Variants in NTN1 observed in about 807,000 individuals in gnomAD.
NTN1 encodes the protein netrin-1.
In NTN1, 11 loss-of-function variants were observed where a neutral mutation model predicts 54.2. That is an observed-to-expected ratio of 0.20 (90% CI 0.13 to 0.34). The LOEUF is 0.34. Among genes scored for constraint, NTN1 ranks in the 10% least tolerant of loss-of-function variants. The pLI, the probability that NTN1 is intolerant of heterozygous loss-of-function variation, is 1.00. For synonymous variants in NTN1, 371 were observed against 382.0 expected (o/e 0.97, Z 0.33); for missense variants, 740 against 893.1 (o/e 0.83, Z 2.18).
intron 2 of NTN1, among the ~76,000 whole-genome samples, chr17:9,080,092 G>A (rs1409251272): frequency 2.6e-5 from 4 of 152,200 alleles, no homozygotes; most frequent in African/African-American, 9.6e-5. Context: ...CCTGTTTCCT[G>A]GCTCCCTGAG....
intron 2 of NTN1, among the ~76,000 whole-genome samples, chr17:9,107,116 T>C (rs2092170104): frequency 6.6e-6 from 1 of 152,194 alleles, no homozygotes; most frequent in African/African-American, 2.4e-5. Flanking sequence ...TAGGTAAAAC[T>C]GTAGTACATC....
At chr17:9,112,823 CAAAAA>C (rs386385610) in intron 2 of NTN1, among the ~76,000 whole-genome samples, 1 of 96,026 alleles carries the variant, frequency 1.0e-5, no homozygotes, top group Non-Finnish European at 2.1e-5. Flanking sequence ...GACTCCGTCT[CAAAAA>C]AAAAAAAAAA....
At chr17:9,032,730 C>T (rs557599946) in intron 2 of NTN1, among the ~76,000 whole-genome samples, 1 of 152,152 alleles carries the variant, frequency 6.6e-6, no homozygotes, top group Non-Finnish European at 1.5e-5. Flanking sequence ...TGGACACGGC[C>T]CCCCCAGCCC....
intron 2 of NTN1, among the ~76,000 whole-genome samples, chr17:9,126,403 G>A (rs776182835): frequency 5.9e-5 from 9 of 152,182 alleles, no homozygotes; most frequent in Non-Finnish European, 1.3e-4. Context: ...CCAGCTACTC[G>A]GGAGGCTGAG....
intron 2 of NTN1, among the ~76,000 whole-genome samples, chr17:9,156,879 C>T (rs1430091510): frequency 6.6e-6 from 1 of 152,170 alleles, no homozygotes; most frequent in African/African-American, 2.4e-5. Flanking sequence ...TACCCGCTTG[C>T]CTGTCTACCT....
chr17:9,051,769 A>G (rs1288112952), intron 2 of NTN1, among the ~76,000 whole-genome samples: 1 of 152,178 alleles, frequency 6.6e-6, no homozygotes, highest in Non-Finnish European at 1.5e-5. Flanking sequence ...AGACTGTACA[A>G]TAGATCTTTC....
At chr17:9,021,734 C>T (rs1339111681) in intron 1 of NTN1, 149 bp downstream of exon 1, 1 of 152,196 alleles carries the variant, frequency 6.6e-6, no homozygotes, top group Non-Finnish European at 1.5e-5. Context: ...GGCGGCCGCG[C>T]CGGGCATGGA....
intron 2 of NTN1, among the ~76,000 whole-genome samples, chr17:9,134,180 G>C (rs2092274440): frequency 6.6e-6 from 1 of 152,158 alleles, no homozygotes; most frequent in Admixed American, 6.5e-5. Flanking sequence ...TGGGATTACA[G>C]GCATGAGCCA....
At chr17:9,103,251 G>A (rs145556485) in intron 2 of NTN1, among the ~76,000 whole-genome samples, 5,830 of 152,292 alleles carry the variant, frequency 0.038, 149 homozygotes, top group Middle Eastern at 0.075. Flanking sequence ...CAGGAGCCGA[G>A]AGGTAGAAAC....
intron 5 of NTN1, among the ~76,000 whole-genome samples, chr17:9,202,055 C>CACACACAAAAAAAAAAAAAA (rs1555575849): frequency 2.1e-5 from 1 of 48,346 alleles, no homozygotes; most frequent in African/African-American, 9.5e-5. Context: ...CACACACACA[C>CACACACAAAAAAAAAAAAAA]AAAAAAAAAA....
At chr17:9,143,580 G>A (rs964170822) in intron 2 of NTN1, among the ~76,000 whole-genome samples, 3 of 152,178 alleles carry the variant, frequency 2.0e-5, no homozygotes, top group African/African-American at 7.2e-5. Context: ...AGACGATCTA[G>A]GGATGGGACT....
intron 2 of NTN1, among the ~76,000 whole-genome samples, chr17:9,040,206 A>C (rs1328428660): frequency 6.6e-6 from 1 of 152,204 alleles, no homozygotes; most frequent in Non-Finnish European, 1.5e-5. Flanking sequence ...TGTGTGGTAG[A>C]TACCCTTCCA....
chr17:9,078,743 C>T (rs2092059969), intron 2 of NTN1, among the ~76,000 whole-genome samples: 1 of 152,110 alleles, frequency 6.6e-6, no homozygotes, highest in Admixed American at 6.6e-5. Context: ...CTGGAATGTC[C>T]CCAAGGAAAA....
intron 5 of NTN1, among the ~76,000 whole-genome samples, chr17:9,206,956 T>C (rs1263497372): frequency 6.6e-6 from 1 of 152,146 alleles, no homozygotes; most frequent in Non-Finnish European, 1.5e-5. Context: ...TTGGAGCCTT[T>C]ACTTTTCGGC....
intron 2 of NTN1, among the ~76,000 whole-genome samples, chr17:9,056,367 A>C (rs766150604): frequency 1.3e-5 from 2 of 152,186 alleles, no homozygotes; most frequent in African/African-American, 2.4e-5. Flanking sequence ...GAGTGCCGCC[A>C]TCTTGATGGT....
chr17:9,058,562 G>A (rs562296137), intron 2 of NTN1, among the ~76,000 whole-genome samples: 26 of 135,376 alleles, frequency 1.9e-4, no homozygotes, highest in Middle Eastern at 5.2e-3. Context: ...TTATTATACC[G>A]ACCTTGTAGG....
At chr17:9,005,985 G>A in the NTN1 span, among the ~76,000 whole-genome samples, 1 of 152,220 alleles carries the variant, frequency 6.6e-6, no homozygotes, top group Admixed American at 6.5e-5. Flanking sequence ...CCCACGCCAG[G>A]GACAGAGCAG....
At chr17:9,011,834 C>A in the NTN1 span, among the ~76,000 whole-genome samples, 2 of 152,168 alleles carry the variant, frequency 1.3e-5, no homozygotes, top group African/African-American at 4.8e-5. Flanking sequence ...GTGATCCACC[C>A]ACCTCGGCCC....
chr17:9,147,902 T>C (rs1239072123), intron 2 of NTN1, among the ~76,000 whole-genome samples: 1 of 152,246 alleles, frequency 6.6e-6, no homozygotes, highest in African/African-American at 2.4e-5. Context: ...CAGATTTTGA[T>C]CATTTTCACC....
Sources: gnomAD v4.1 joint callset for allele counts (sites outside exome capture counted in the v4.1 genomes callset) on GRCh38, gnomAD v4.1.1 for gene constraint, MANE v1.5 for transcripts, NCBI Gene and HGNC (gene_info 2026-07-23, HGNC 2026-07-21) for gene names.